The following FGD3 variants were observed in gnomAD, a reference collection of about 807,000 sequenced individuals.
FGD3 encodes the protein FYVE, RhoGEF and PH domain containing 3, also known as FYVE, RhoGEF and PH domain-containing protein 3.
Under a neutral mutation model 71.8 loss-of-function variants are expected in FGD3, and 45 were observed. The ratio of observed to expected loss-of-function variants is 0.63; its 90% CI spans 0.49 to 0.80. The LOEUF is 0.80. Ranked by LOEUF, FGD3 falls within the 30% of genes least tolerant of loss-of-function variation. FGD3 has a pLI of 0.00. For synonymous variants in FGD3, 378 were observed against 392.8 expected (o/e 0.96, Z 0.44); for missense variants, 844 against 951.5 (o/e 0.89, Z 1.49).
intron 1 of FGD3, among the ~76,000 whole-genome samples, chr9:92,960,291 T>C (rs1193873555): frequency 6.6e-6 from 1 of 152,014 alleles, no homozygotes; most frequent in Non-Finnish European, 1.5e-5. Context: ...CATGTCTGCA[T>C]GTCTCCATAT....
chr9:92,971,526 G>T (rs1337874650), intron 1 of FGD3, among the ~76,000 whole-genome samples: 1 of 148,626 alleles, frequency 6.7e-6, no homozygotes, highest in African/African-American at 2.5e-5. Flanking sequence ...CAGTTCAAAG[G>T]CGATAAGGGT....
At chr9:93,034,728 C>T (rs1862524486) in intron 17 of FGD3, 47 bp downstream of exon 17, 5 of 1,586,056 alleles carry the variant, frequency 3.2e-6, no homozygotes, top group South Asian at 1.1e-5. Context: ...AGCCCAGAGC[C>T]TCAGGCCTGA....
intron 3 of FGD3, among the ~76,000 whole-genome samples, chr9:92,989,108 T>C (rs1860300471): frequency 6.6e-6 from 1 of 152,170 alleles, no homozygotes; most frequent in Admixed American, 6.5e-5. Flanking sequence ...TGGAGTGCAA[T>C]GGCGCAGTCT....
chr9:92,982,189 G>A (rs548014005), intron 3 of FGD3, among the ~76,000 whole-genome samples: 69 of 152,164 alleles, frequency 4.5e-4, no homozygotes, highest in African/African-American at 1.5e-3. Flanking sequence ...TTTTACTTCT[G>A]TGAGATCAAC....
chr9:93,013,777 G>C, intron 8 of FGD3, 75 bp from the exon 9 acceptor site: 1 of 1,585,782 alleles, frequency 6.3e-7, no homozygotes, highest in Non-Finnish European at 8.6e-7. Flanking sequence ...CGGTTGCAGG[G>C]AAGGACTCCG....
intron 6 of FGD3, among the ~76,000 whole-genome samples, chr9:93,009,337 G>A (rs1223020060): frequency 6.6e-6 from 1 of 152,188 alleles, no homozygotes. Context: ...TTGTTTTTAT[G>A]AAGATTGTCG....
chr9:92,972,188 C>T (rs1182518822), intron 1 of FGD3, among the ~76,000 whole-genome samples: 1 of 151,892 alleles, frequency 6.6e-6, no homozygotes, highest in Non-Finnish European at 1.5e-5. Context: ...GTAGCTCATG[C>T]CTGTAATCCC....
At chr9:93,019,555 C>G (rs1861832540) in intron 11 of FGD3, among the ~76,000 whole-genome samples, 3 of 152,194 alleles carry the variant, frequency 2.0e-5, no homozygotes, top group Admixed American at 1.3e-4. Context: ...CATGGGAGTT[C>G]TGTTCTCCCA....
chr9:93,028,500 AC>A (rs200528036), intron 14 of FGD3, among the ~76,000 whole-genome samples: 4,252 of 152,224 alleles, frequency 0.028, 90 homozygotes, highest in Non-Finnish European at 0.044. Flanking sequence ...TGGTTTCGGC[AC>A]CCATAACAAA....
intron 1 of FGD3, among the ~76,000 whole-genome samples, chr9:92,947,991 G>A (rs1215305122): frequency 6.6e-6 from 1 of 152,144 alleles, no homozygotes; most frequent in African/African-American, 2.4e-5. Context: ...TCCTCGCGGT[G>A]GGTCCTGGGA....
intron 1 of FGD3, among the ~76,000 whole-genome samples, chr9:92,974,987 C>G (rs1859669870): frequency 6.6e-6 from 1 of 152,210 alleles, no homozygotes; most frequent in Non-Finnish European, 1.5e-5. Flanking sequence ...GAGTTTCCAG[C>G]CGAGCAAGAC....
At chr9:92,988,557 G>A (rs1391009448) in intron 3 of FGD3, among the ~76,000 whole-genome samples, 4 of 152,102 alleles carry the variant, frequency 2.6e-5, no homozygotes, top group Non-Finnish European at 4.4e-5. Flanking sequence ...ACACTAATCT[G>A]CCATGTTGAC....
At chr9:92,986,007 C>T (rs1860174634) in intron 3 of FGD3, among the ~76,000 whole-genome samples, 2 of 152,120 alleles carry the variant, frequency 1.3e-5, no homozygotes, top group African/African-American at 4.8e-5. Context: ...TACTGTGTAC[C>T]CTTAACCTTG....
At chr9:92,988,615 T>C (rs1437117323) in intron 3 of FGD3, among the ~76,000 whole-genome samples, 1 of 152,244 alleles carries the variant, frequency 6.6e-6, no homozygotes, top group Non-Finnish European at 1.5e-5. Context: ...TTCTATCTTA[T>C]TACTGTTCCT....
chr9:93,018,168 T>C lies in FGD3; in HGVS notation c.1308T>C (p.His436=), dbSNP rs775869233. 2 of 1,614,020 alleles carry C rather than the reference T, an allele frequency of 1.2e-6. No individual in the cohort carries two copies. The highest frequency in any genetic ancestry group is 1.1e-5 in the South Asian group (1 of 91,082). Reference sequence around the variant, plus strand: ...ATATCGTCAAGCCAAACACAGCACATACATTCATCATAACAGGAAGAAAAA... The same window carrying C: ...ATATCGTCAAGCCAAACACAGCACACACATTCATCATAACAGGAAGAAAAA... ...VQDIVKPNTA[H]TFIITGRKRS... is the part of the protein sequence containing the mutation. The change falls in exon 11 of 18, where the codon CAT becomes CAC. Residue 436 remains histidine (H), a synonymous_variant. Coordinates refer to ENST00000375482, the MANE Select transcript of FGD3 (RefSeq NM_001083536.2).
intron 3 of FGD3, among the ~76,000 whole-genome samples, chr9:92,992,789 G>T (rs2118655529): frequency 6.6e-6 from 1 of 152,242 alleles, no homozygotes; most frequent in Admixed American, 6.5e-5. Flanking sequence ...TGGGGGGTGG[G>T]GTGTGTACAC....
At chr9:92,990,124 CA>C (rs1199299299) in intron 3 of FGD3, among the ~76,000 whole-genome samples, 1 of 151,716 alleles carries the variant, frequency 6.6e-6, no homozygotes, top group Non-Finnish European at 1.5e-5. Context: ...TTTTGTGATA[CA>C]ATATAGGTTT....
chr9:93,011,368 G>C, intron 8 of FGD3, 96 bp downstream of exon 8: 11 of 1,471,308 alleles, frequency 7.5e-6, no homozygotes, highest in Non-Finnish European at 1.0e-5. Context: ...CTATCCTTTG[G>C]GGGGCTCCAC....
At chr9:93,011,363 C>T in intron 8 of FGD3, 91 bp downstream of exon 8, 1 of 1,479,930 alleles carries the variant, frequency 6.8e-7, no homozygotes, top group Non-Finnish European at 9.4e-7. Context: ...TGCCGCTATC[C>T]TTTGGGGGGC....
Sources: gnomAD v4.1 joint callset for allele counts (sites outside exome capture counted in the v4.1 genomes callset) on GRCh38, gnomAD v4.1.1 for gene constraint, MANE v1.5 for transcripts, NCBI Gene and HGNC (gene_info 2026-07-23, HGNC 2026-07-21) for gene names.